Variants in UBE3C observed in about 807,000 individuals in gnomAD.
UBE3C encodes the protein ubiquitin-protein ligase E3C.
Under a neutral mutation model 129.4 loss-of-function variants are expected in UBE3C, and 42 were observed. The observed-to-expected ratio is 0.32, with a 90% CI of 0.25 to 0.42. The LOEUF (loss-of-function observed/expected upper bound fraction) is 0.42, where lower values mean the gene tolerates loss of function less well. Among genes scored for constraint, UBE3C ranks in the 10% least tolerant of loss-of-function variants. The probability of loss-of-function intolerance (pLI) is 1.00; values close to 1 mark genes in which losing one functional copy is unlikely to be tolerated. For missense variants in UBE3C, 1,049 were observed against 1,319.1 expected, an observed-to-expected ratio of 0.80 and a Z score of 3.17; for synonymous variants, 510 against 492.4, an observed-to-expected ratio of 1.04 and a Z score of -0.47.
intron 1 of UBE3C, among the ~76,000 whole-genome samples, chr7:157,162,833 A>AT (rs1334782825): frequency 3.9e-5 from 6 of 152,116 alleles, no homozygotes; most frequent in Non-Finnish European, 7.4e-5. Flanking sequence ...CTTTAATTTT[A>AT]TTTTGGATGA....
chr7:157,243,554 G>A lies in UBE3C; in HGVS notation c.2482-4814G>A, dbSNP rs543682060. Among the ~76,000 whole-genome samples the A allele has an allele frequency of 1.6e-4, 25 of 152,316 alleles. No individual in the cohort carries two copies. In the East Asian group the frequency reaches 4.8e-3, roughly 29 times the overall value. ...ACCTGCCAGTGGAGTATTAGAGTGA[G>A]GCCCACGGCCTGGCCCCTCCCAGGG... On this transcript the variant is annotated intron_variant, in intron 18 of 22. Transcript: ENST00000348165.
At chr7:157,202,634 G>T (rs548644331) in intron 11 of UBE3C, among the ~76,000 whole-genome samples, 1 of 152,280 alleles carries the variant, frequency 6.6e-6, no homozygotes, top group Non-Finnish European at 1.5e-5. Context: ...TCCAGCCTGG[G>T]TGAGAGCAAG....
intron 4 of UBE3C, 146 bp downstream of exon 4, chr7:157,170,596 A>G: frequency 1.2e-6 from 1 of 819,412 alleles, no homozygotes; most frequent in Non-Finnish European, 1.7e-6. Context: ...GTGAGAGGTT[A>G]CCTATGTGGT....
intron 10 of UBE3C, among the ~76,000 whole-genome samples, chr7:157,200,816 A>G (rs1809259087): frequency 6.6e-6 from 1 of 151,916 alleles, no homozygotes; most frequent in Admixed American, 6.6e-5. Flanking sequence ...AGGTCTCACC[A>G]CATTGCCCAG....
rs751101997 is a variant in UBE3C at position 157,223,399 on chromosome 7, A to C, written c.2100+48A>C. On this transcript the variant is annotated intron_variant, in intron 16 of 22. Transcript: ENST00000348165. ...TGTCACTACGTATCATATTAGTGTT[A>C]AGAAATTAACACACACCCACCAGAG... is the stretch of plus-strand genomic sequence containing the variant. 4.0e-6 allele frequency: 6 copies of C among 1,510,270 alleles called. No individual in the cohort carries two copies. The Admixed American group carries it at 1.2e-4, about 30-fold the overall frequency. The allele number at this position is 1,510,270 out of a possible 1,614,324, so 93.6% of individuals were successfully genotyped here. A position where few individuals can be genotyped will look rare whatever the true frequency, so the allele number is the denominator to read the frequency against.
chr7:157,197,530 T>G, intron 10 of UBE3C: 2 of 854,462 alleles, frequency 2.3e-6, no homozygotes, highest in Non-Finnish European at 3.4e-6. Context: ...TTTTTAATGC[T>G]GGAGGTATTG....
In UBE3C at chr7:157,268,186, G is replaced by C. The variant is rs1207951828; in HGVS notation, c.*431G>C. The C allele has an allele frequency of 6.5e-6, 1 of 154,824 alleles. No homozygotes were observed. The highest frequency in any genetic ancestry group is 6.5e-5 in the Admixed American group (1 of 15,362). 9.6% of individuals were successfully genotyped at this position (154,824 alleles called of 1,614,324 possible). A position where few individuals can be genotyped will look rare whatever the true frequency, so the allele number is the denominator to read the frequency against. On this transcript the variant is annotated 3_prime_UTR_variant, in exon 23 of 23. Transcript: ENST00000348165. Reference sequence around the variant, plus strand: ...CTGAGGGCTGAGACGCCATGGGGCCGCTGCTGCTTATGTGGTTGGATTGTT... The same window carrying C: ...CTGAGGGCTGAGACGCCATGGGGCCCCTGCTGCTTATGTGGTTGGATTGTT...
At chr7:157,251,624 G>C (rs773784965) in intron 19 of UBE3C, among the ~76,000 whole-genome samples, 11 of 152,144 alleles carry the variant, frequency 7.2e-5, no homozygotes, top group Non-Finnish European at 1.6e-4. Context: ...GATTCCAAGT[G>C]AAAATAGACT....
intron 10 of UBE3C, among the ~76,000 whole-genome samples, chr7:157,187,846 G>C (rs1359259204): frequency 6.6e-6 from 1 of 152,088 alleles, no homozygotes; most frequent in South Asian, 2.1e-4. Context: ...AAAGTGCTGG[G>C]ATTACAGACA....
At chr7:157,179,296 AT>A (rs765488178) in intron 6 of UBE3C, among the ~76,000 whole-genome samples, 1 of 151,958 alleles carries the variant, frequency 6.6e-6, no homozygotes, top group African/African-American at 2.4e-5. Context: ...TTGTTAAATG[AT>A]TTTTCTTCCA....
At chr7:157,228,394 A>G (rs1259243996) in intron 17 of UBE3C, among the ~76,000 whole-genome samples, 2 of 152,240 alleles carry the variant, frequency 1.3e-5, no homozygotes, top group Non-Finnish European at 2.9e-5. Flanking sequence ...AAAGTGGGTA[A>G]CAAAGTTCCC....
At chr7:157,214,424 AC>A (rs1281382368) in intron 13 of UBE3C, among the ~76,000 whole-genome samples, 2 of 152,094 alleles carry the variant, frequency 1.3e-5, no homozygotes, top group Admixed American at 6.6e-5. Context: ...GGAGCAAGTT[AC>A]CCCCTCAATA....
In UBE3C at chr7:157,233,847, C is replaced by A. The variant is rs530400727; in HGVS notation, c.2481+2520C>A. On this transcript the variant is annotated intron_variant, in intron 18 of 22. Transcript: ENST00000348165. Reference sequence around the variant, plus strand: ...TGTGAAGGTTTCAGTGACTCCACATCGTTGTCAGCACTTACTTAGTGTTGT... The same window carrying A: ...TGTGAAGGTTTCAGTGACTCCACATAGTTGTCAGCACTTACTTAGTGTTGT... 5.9e-5 allele frequency among the ~76,000 whole-genome samples: 9 copies of A among 152,312 alleles called. 1 individual carries two copies. The South Asian group carries it at 1.0e-3, about 18-fold the overall frequency.
chr7:157,199,662 G>T (rs1214159252), intron 10 of UBE3C, among the ~76,000 whole-genome samples: 1 of 151,636 alleles, frequency 6.6e-6, no homozygotes, highest in Non-Finnish European at 1.5e-5. Flanking sequence ...GTAGAGACGG[G>T]GTTTCACCAT....
chr7:157,234,874 C>T (rs1450205077), intron 18 of UBE3C, among the ~76,000 whole-genome samples: 2 of 152,128 alleles, frequency 1.3e-5, no homozygotes, highest in African/African-American at 4.8e-5. Context: ...GGAGGATGTA[C>T]ATTTCATAAT....
Position 157,207,561 on chromosome 7 carries a change from G to A in UBE3C, c.1576+6G>A. On this transcript the variant is annotated splice_donor_region_variant and intron_variant, in intron 12 of 22. Transcript: ENST00000348165. ...CTTCGGTGATCCCATAGAAGGTAAG[G>A]ATTTTGAGAAACCAGTTTGCTGCTG... is the stretch of plus-strand genomic sequence containing the variant. 1 of 1,606,778 alleles carries A rather than the reference G, an allele frequency of 6.2e-7. No homozygotes were observed. Among genetic ancestry groups the A allele is most frequent in the South Asian group, 1.1e-5 (1 of 89,070 alleles).
chr7:157,253,828 T>A, intron 19 of UBE3C, 126 bp from the exon 20 acceptor site: 2 of 938,880 alleles, frequency 2.1e-6, no homozygotes, highest in Non-Finnish European at 3.1e-6. Context: ...GGGTACTATT[T>A]CGTATTTAGA....
chr7:157,143,322 G>A (rs923210286), intron 1 of UBE3C, among the ~76,000 whole-genome samples: 13 of 152,066 alleles, frequency 8.5e-5, no homozygotes, highest in African/African-American at 3.1e-4. Context: ...GTACAGAAAT[G>A]GACTAAAACT....
intron 1 of UBE3C, among the ~76,000 whole-genome samples, chr7:157,154,005 A>AGGG (rs1807833604): frequency 2.0e-5 from 3 of 149,480 alleles, no homozygotes; most frequent in African/African-American, 7.5e-5. Context: ...TGGGGGGGGA[A>AGGG]AAGTTAACTT....
Sources: gnomAD v4.1 joint callset for allele counts (sites outside exome capture counted in the v4.1 genomes callset) on GRCh38, gnomAD v4.1.1 for gene constraint, MANE v1.5 for transcripts, NCBI Gene and HGNC (gene_info 2026-07-23, HGNC 2026-07-21) for gene names.